Variants in PAX2 observed in about 807,000 individuals in gnomAD.
PAX2 encodes paired box protein Pax-2.
PAX2 carries 9 observed loss-of-function variants against 41.7 expected under a neutral mutation model. The ratio of observed to expected loss-of-function variants is 0.22; its 90% CI spans 0.13 to 0.38. PAX2 has a LOEUF of 0.38. PAX2 is among the 10% of genes least tolerant of loss of function. PAX2 has a pLI of 1.00. For synonymous variants in PAX2, 221 were observed against 212.7 expected (o/e 1.04, Z -0.34); for missense variants, 418 against 531.6 (o/e 0.79, Z 2.10).
At chr10:100,820,056 T>G (rs1385562063) in intron 7 of PAX2, among the ~76,000 whole-genome samples, 3 of 152,214 alleles carry the variant, frequency 2.0e-5, no homozygotes, top group Admixed American at 1.3e-4. Context: ...CCACTACCAC[T>G]GTTTCTTGAA....
intron 5 of PAX2, among the ~76,000 whole-genome samples, chr10:100,792,627 C>G (rs1432963464): frequency 6.6e-6 from 1 of 152,228 alleles, no homozygotes; most frequent in East Asian, 1.9e-4. Flanking sequence ...AAATTGCTGA[C>G]TGTGGAGGAC....
exon 1 of PAX2, chr10:100,735,703 C>G (rs909919388): frequency 9.5e-7 from 1 of 1,054,452 alleles, no homozygotes; most frequent in Non-Finnish European, 1.1e-6. Context: ...CCGCGGGGAG[C>G]CTAGCATGGA....
At chr10:100,809,495 C>G (rs1035802700) in intron 7 of PAX2, among the ~76,000 whole-genome samples, 2 of 152,224 alleles carry the variant, frequency 1.3e-5, no homozygotes, top group Non-Finnish European at 2.9e-5. Flanking sequence ...TCCTGTCCTT[C>G]GCCTCTCCCT....
At chr10:100,810,719 C>T (rs1285089356) in intron 7 of PAX2, among the ~76,000 whole-genome samples, 1 of 152,252 alleles carries the variant, frequency 6.6e-6, no homozygotes, top group East Asian at 1.9e-4. Context: ...ACCCCATCTG[C>T]TGCCCAGCGC....
intron 5 of PAX2, among the ~76,000 whole-genome samples, chr10:100,783,371 T>C (rs1846710973): frequency 6.6e-6 from 1 of 152,202 alleles, no homozygotes; most frequent in African/African-American, 2.4e-5. Context: ...GATGGAGGTC[T>C]GGTGGCGGGC....
chr10:100,818,507 G>C (rs1848264984), intron 7 of PAX2, among the ~76,000 whole-genome samples: 1 of 152,148 alleles, frequency 6.6e-6, no homozygotes, highest in African/African-American at 2.4e-5. Context: ...TTTATAAACA[G>C]TGCTTATTAA....
chr10:100,761,269 A>G (rs934230913), intron 3 of PAX2, among the ~76,000 whole-genome samples: 23 of 151,842 alleles, frequency 1.5e-4, no homozygotes, highest in Non-Finnish European at 4.4e-5. Flanking sequence ...TCCTGCAGAG[A>G]GTACAGCCCT....
chr10:100,758,567 G>A (rs900621486), intron 3 of PAX2, among the ~76,000 whole-genome samples: 2 of 152,236 alleles, frequency 1.3e-5, no homozygotes, highest in Admixed American at 6.5e-5. Context: ...GTGGCTGCAG[G>A]AGTCATGAGC....
chr10:100,801,171 A>G (rs979712835), intron 5 of PAX2, among the ~76,000 whole-genome samples: 4 of 152,092 alleles, frequency 2.6e-5, no homozygotes, highest in Middle Eastern at 3.2e-3. Flanking sequence ...TCCCCAGCAA[A>G]TGTCCCCTTG....
chr10:100,741,377 C>T (rs1445304215), upstream of PAX2, among the ~76,000 whole-genome samples: 2 of 141,182 alleles, frequency 1.4e-5, no homozygotes, highest in Admixed American at 7.3e-5. Context: ...AATTGCAGCC[C>T]ATGGTGCTCC....
intron 7 of PAX2, among the ~76,000 whole-genome samples, chr10:100,811,601 G>A (rs1847992164): frequency 6.6e-6 from 1 of 152,254 alleles, no homozygotes; most frequent in Non-Finnish European, 1.5e-5. Context: ...GAGCTGGAGT[G>A]CGGGAGAGGC....
intron 3 of PAX2, among the ~76,000 whole-genome samples, chr10:100,754,703 A>G (rs1845567772): frequency 1.3e-5 from 2 of 152,056 alleles, no homozygotes; most frequent in Admixed American, 6.6e-5. Flanking sequence ...ATAAGCTGGG[A>G]GCTATTAATC....
chr10:100,751,106 C>G (rs1196063646), intron 3 of PAX2, among the ~76,000 whole-genome samples: 1 of 152,188 alleles, frequency 6.6e-6, no homozygotes, highest in African/African-American at 2.4e-5. Flanking sequence ...TATTCCCTGC[C>G]AGGCTTCTCC....
chr10:100,749,895 G>A lies in PAX2; in HGVS notation c.193G>A (p.Val65Ile). The change falls in exon 2 of 10, where the codon GTC becomes ATC. Residue 65 changes from valine (V) to isoleucine (I), a missense_variant. This residue lies in a region of PAX2 where 108 missense variants were observed against 206.3 expected (regional missense o/e 0.52). Coordinates refer to ENST00000355243, the MANE Select transcript of PAX2 (RefSeq NM_000278.5). ...SRQLRVSHGC[V>I]SKILGRYYET... Reference sequence around the variant, plus strand: ...GCAGCTGCGGGTCAGCCACGGCTGTGTCAGCAAAATCCTGGGCAGGTGAGG... The same window carrying A: ...GCAGCTGCGGGTCAGCCACGGCTGTATCAGCAAAATCCTGGGCAGGTGAGG... The A allele has an allele frequency of 6.2e-7, 1 of 1,612,480 alleles. No individual in the cohort carries two copies. The highest frequency in any genetic ancestry group is 8.5e-7 in the Non-Finnish European group (1 of 1,179,880).
At chr10:100,776,804 G>C (rs1378753908) in intron 3 of PAX2, among the ~76,000 whole-genome samples, 5 of 152,212 alleles carry the variant, frequency 3.3e-5, no homozygotes, top group African/African-American at 9.6e-5. Flanking sequence ...ATCTGAGTTT[G>C]TAAAACCATG....
At chr10:100,788,960 G>A (rs1846989685) in intron 5 of PAX2, among the ~76,000 whole-genome samples, 1 of 152,036 alleles carries the variant, frequency 6.6e-6, no homozygotes, top group Non-Finnish European at 1.5e-5. Context: ...GAGAAGGAGT[G>A]TGCTCCCAGG....
At chr10:100,787,561 A>G (rs1179724109) in intron 5 of PAX2, among the ~76,000 whole-genome samples, 1 of 152,102 alleles carries the variant, frequency 6.6e-6, no homozygotes, top group Non-Finnish European at 1.5e-5. Flanking sequence ...ATCTCCATCC[A>G]TGAATCTTCC....
At chr10:100,775,443 C>T (rs1430441980) in intron 3 of PAX2, among the ~76,000 whole-genome samples, 1 of 152,030 alleles carries the variant, frequency 6.6e-6, no homozygotes, top group Non-Finnish European at 1.5e-5. Flanking sequence ...GGCAAGTGCC[C>T]ACTGCCTGAG....
chr10:100,760,377 G>A lies in PAX2; in HGVS notation c.410+9486G>A, dbSNP rs141785828. Among the ~76,000 whole-genome samples, 108 of 152,344 alleles carry A rather than the reference G, an allele frequency of 7.1e-4. No individual in the cohort carries two copies. The Middle Eastern group carries it at 0.024, about 34-fold the overall frequency. On this transcript the variant is annotated intron_variant, in intron 3 of 9. Transcript: ENST00000355243. ...TTAGTTAATGTTCCCTGGAGAGCAC[G>A]TGGTTGAATGGACAGTAGACATCCT...
Sources: allele counts gnomAD v4.1 joint callset (sites outside exome capture counted in the v4.1 genomes callset), GRCh38; gene constraint gnomAD v4.1.1; regional missense constraint gnomAD v4.1.1; transcripts MANE v1.5; gene names NCBI Gene and HGNC (gene_info 2026-07-23, HGNC 2026-07-21).